Variants in IPO4 observed in about 807,000 individuals in gnomAD.
IPO4 encodes the protein importin 4, also known as importin-4.
IPO4 carries 91 observed loss-of-function variants against 133.5 expected under a neutral mutation model. The observed-to-expected ratio is 0.68, with a 90% CI of 0.58 to 0.81. The LOEUF is 0.81. Among genes scored for constraint, IPO4 ranks in the 30% least tolerant of loss-of-function variants. The pLI is 0.00. For missense variants in IPO4, 1,279 were observed against 1,386.2 expected (o/e 0.92, Z 1.23); for synonymous variants, 607 against 581.6 (o/e 1.04, Z -0.63).
chr14:24,184,842 C>T, intron 15 of IPO4, 25 bp downstream of exon 15: 1 of 1,610,098 alleles, frequency 6.2e-7, no homozygotes, highest in South Asian at 1.1e-5. Context: ...AACCCCACAT[C>T]CCTGCCTCCT....
chr14:24,181,292 C>G (rs556600868), intron 28 of IPO4, among the ~76,000 whole-genome samples: 2 of 152,204 alleles, frequency 1.3e-5, no homozygotes, highest in African/African-American at 2.4e-5. Flanking sequence ...AAAAATGCTA[C>G]GTGGAGAAAG....
At chr14:24,182,688 A>T in intron 24 of IPO4, 104 bp downstream of exon 24, 1 of 1,293,232 alleles carries the variant, frequency 7.7e-7, no homozygotes, top group Non-Finnish European at 1.1e-6. Flanking sequence ...AGTCTCTTTT[A>T]GTGGCCCTGG....
At chr14:24,180,862 TGCACCTGGTACTGATTCACAG>T in intron 28 of IPO4, 104 bp from the exon 29 acceptor site, 2 of 864,856 alleles carry the variant, frequency 2.3e-6, no homozygotes, top group Non-Finnish European at 1.8e-6. Context: ...GGGGGGTGGT[TGCACCTGGTACTGATTCACAG>T]GCATCCAAGA....
chr14:24,181,801 C>T lies in IPO4; in HGVS notation c.2850G>A (p.Ala950=), dbSNP rs373492200. Residue 950 remains alanine, a synonymous_variant, in exon 27 of 30, where the codon GCG becomes GCA. Transcript: ENST00000354464. ...KLLGLLFPLL[A]RERHDRVRDN... The stretch of plus-strand genomic sequence containing the variant: ...CACGGACACGATCATGTCGCTCCCG[C>T]GCCAGGAGGGGAAAAAGGAGCCCCA... The T allele has an allele frequency of 2.1e-4, 334 of 1,598,168 alleles. No homozygotes were observed. Among genetic ancestry groups the T allele is most frequent in the Middle Eastern group, 1.7e-3 (10 of 5,984 alleles).
At position 24,182,418 on chromosome 14, in the gene IPO4, CAG is replaced by C. The variant is rs149643983; in HGVS notation, c.2473-17_2473-16del. ...TCGTATTCAGCCTGTGGAGCCAGGT[CAG>C]GGGCTGGAGCACCAGGGCCAGCTCA... is the stretch of plus-strand genomic sequence containing the variant. On this transcript the variant is annotated splice_polypyrimidine_tract_variant and intron_variant, in intron 24 of 29. Transcript: ENST00000354464. 0.11 allele frequency: 170,061 copies of C among 1,603,564 alleles called. 10,267 individuals carry two copies. The highest frequency in any genetic ancestry group is 0.27 in the Admixed American group (15,699 of 57,928).
At chr14:24,182,951 C>T (rs777974504) in intron 23 of IPO4, 25 bp downstream of exon 23, 4 of 1,613,310 alleles carry the variant, frequency 2.5e-6, no homozygotes, top group East Asian at 2.2e-5. Context: ...ACCTCTCCTT[C>T]CCGAAGCCCA....
At chr14:24,182,692 G>A (rs2039159508) in intron 24 of IPO4, 100 bp downstream of exon 24, 1 of 1,331,520 alleles carries the variant, frequency 7.5e-7, no homozygotes, top group African/African-American at 1.4e-5. Flanking sequence ...TCTTTTAGTG[G>A]CCCTGGCTGC....
rs2039223537 is a variant in IPO4, at chr14:24,186,399, A to G, written c.893T>C (p.Ile298Thr). 6.2e-7 allele frequency: 1 copy of G among 1,612,030 alleles called. No homozygotes were observed. Residue 298 changes from isoleucine to threonine, a missense_variant, in exon 10 of 30, where the codon ATT becomes ACT. Ile to Thr is a moderately conservative substitution (Grantham distance 89). Coordinates refer to ENST00000354464, the MANE Select transcript of IPO4 (RefSeq NM_024658.4). ...LPPLLHTLFP[I>T]VAAEPPPGQL... Reference sequence around the variant, plus strand: ...GCCTGGTGGGGGCTCAGCAGCCACAATGGGGAAAAGGGTGTGCAGCAAGGG... The same window carrying G: ...GCCTGGTGGGGGCTCAGCAGCCACAGTGGGGAAAAGGGTGTGCAGCAAGGG...
Position 24,183,517 on chromosome 14 carries a change from CAG to C in IPO4, c.2064-6_2064-5del, listed in dbSNP as rs759963061. On this transcript the variant is annotated splice_polypyrimidine_tract_variant and splice_region_variant and intron_variant, in intron 20 of 29. Transcript: ENST00000354464. ...CATGTATGGAAGGAAGGCCACACTACAGAGAGAGACACAGCCGTGGGTAAGGG... is the reference window on the plus strand; with the variant it reads ...CATGTATGGAAGGAAGGCCACACTACAGAGAGACACAGCCGTGGGTAAGGG... 2.5e-6 allele frequency: 4 copies of C among 1,614,018 alleles called. No individual in the cohort carries two copies. Among genetic ancestry groups the C allele is most frequent in the Non-Finnish European group, 2.5e-6 (3 of 1,179,978 alleles).
Position 24,184,527 on chromosome 14 carries a change from T to A in IPO4, c.1637-109A>T, listed in dbSNP as rs558494550. 7.6e-6 allele frequency: 11 copies of A among 1,456,272 alleles called. 1 individual carries two copies. In the South Asian group the frequency reaches 1.3e-4, roughly 18 times the overall value. 90.2% of individuals were successfully genotyped at this position (1,456,272 alleles called of 1,614,324 possible). ...TCCCGCCCCACCCCTTGGTACAGCATGAAGCACACCCCTTTGATGAGAAGG... is the reference window on the plus strand; with the variant it reads ...TCCCGCCCCACCCCTTGGTACAGCAAGAAGCACACCCCTTTGATGAGAAGG... On this transcript the variant is annotated intron_variant, in intron 16 of 29. Transcript: ENST00000354464.
At position 24,183,900 on chromosome 14, in the gene IPO4, T is replaced by C. The variant is rs1195598161; in HGVS notation, c.1870-2A>G. ...GGAGCTGCTCCCGTCATACTGAGGC[T>C]GGAGCGGAGGCACGGCAAGGACTTT... is the stretch of plus-strand genomic sequence containing the variant. On this transcript the variant is annotated splice_acceptor_variant, in intron 18 of 29. Coordinates refer to ENST00000354464, the MANE Select transcript of IPO4 (RefSeq NM_024658.4). LOFTEE classifies it high-confidence loss of function. 4 of 1,613,886 alleles carry C rather than the reference T, an allele frequency of 2.5e-6. No individual in the cohort carries two copies. The highest frequency in any genetic ancestry group is 8.5e-7 in the Non-Finnish European group (1 of 1,180,024).
chr14:24,184,200 A>C, intron 17 of IPO4, 91 bp from the exon 18 acceptor site: 1 of 1,561,046 alleles, frequency 6.4e-7, no homozygotes, highest in Non-Finnish European at 8.7e-7. Flanking sequence ...TATGGTCCAA[A>C]CCAGACGACT....
Position 24,187,496 on chromosome 14 carries a change from C to T in IPO4, c.492G>A (p.Leu164=). 1 of 1,614,174 alleles carries T rather than the reference C, an allele frequency of 6.2e-7. No individual in the cohort carries two copies. The highest frequency in any genetic ancestry group is 8.5e-7 in the Non-Finnish European group (1 of 1,180,036). ...AGCCCACCTCACCAAGAGTCTCATT[C>T]AGAAGCCGAAGAAGCTCCCGGTGGT... ...QPHHRELLRL[L]NETLGEVGSP... The change falls in exon 6 of 30, where the codon CTG becomes CTA. Residue 164 remains leucine, a synonymous_variant. Coordinates refer to ENST00000354464, the MANE Select transcript of IPO4 (RefSeq NM_024658.4).
At chr14:24,183,201 G>A (rs1566642248) in intron 22 of IPO4, 32 bp from the exon 23 acceptor site, 1 of 1,611,606 alleles carries the variant, frequency 6.2e-7, no homozygotes, top group Non-Finnish European at 8.5e-7. Flanking sequence ...GCACCAGTCA[G>A]GCCCTGCCCC....
rs759983443 is a variant in IPO4 at position 24,185,949 on chromosome 14, A to T, written c.1081T>A (p.Leu361Met). The T allele has an allele frequency of 1.2e-6, 2 of 1,613,994 alleles. No individual in the cohort carries two copies. The highest frequency in any genetic ancestry group is 1.7e-6 in the Non-Finnish European group (2 of 1,180,016). Residue 361 changes from leucine to methionine, a missense_variant, in exon 12 of 30, where the codon TTG (leucine) becomes ATG (methionine). By Grantham distance (15) the Leu-to-Met change is conservative (BLOSUM62 2). This residue lies in a region of IPO4 where 695 missense variants were observed against 704.1 expected (regional missense o/e 0.99). Coordinates refer to ENST00000354464, the MANE Select transcript of IPO4 (RefSeq NM_024658.4). ...PQLMPMLEEA[L>M]RSESPYQRKA... is the part of the protein sequence containing the mutation. Reference sequence around the variant, plus strand: ...CGCTGGTATGGGCTCTCGCTCCGCAAAGCCTCTTCCAACATGGGCATCTAG... The same window carrying T: ...CGCTGGTATGGGCTCTCGCTCCGCATAGCCTCTTCCAACATGGGCATCTAG...
Position 24,184,046 on chromosome 14 carries a change from C to G in IPO4, c.1821G>C (p.Gln607His). 6.7e-7 allele frequency: 1 copy of G among 1,499,866 alleles called. No homozygotes were observed. The highest frequency in any genetic ancestry group is 9.0e-7 in the Non-Finnish European group (1 of 1,112,838). The allele number at this position is 1,499,866 out of a possible 1,614,324, so 92.9% of individuals were successfully genotyped here. Residue 607 changes from glutamine (Q) to histidine (H), a missense_variant, in exon 18 of 30, where the codon CAG becomes CAC. By Grantham distance (24) the Gln-to-His change is conservative. Around this residue, in one of 3 missense-constraint regions of IPO4, gnomAD observed 575 missense variants for 653.4 expected, o/e 0.88. Coordinates refer to ENST00000354464, the MANE Select transcript of IPO4 (RefSeq NM_024658.4). The stretch of plus-strand genomic sequence containing the variant: ...GTGACAGCAGCATGAGCGTGGTGAT[C>G]TGTTCCAAGTGGGGCGCCAGGCCCT... The part of the protein sequence containing the change: ...MGEGLAPHLE[Q>H]ITTLMLLSLR...
chr14:24,184,014 G>A lies in IPO4; in HGVS notation c.1853C>T (p.Ser618Phe). The change falls in exon 18 of 30, where the codon TCC (serine) becomes TTC (phenylalanine). Residue 618 changes from serine to phenylalanine, a missense_variant. Physicochemically the swap from Ser to Phe is radical, Grantham distance 155 (BLOSUM62 -2). Transcript: ENST00000354464. ...TTTGCTCACCACAATGCCCTCGGTG[G>A]AACGCAGTGACAGCAGCATGAGCGT... ...ITTLMLLSLRSTEGIVPQYDG... is the reference protein window; with the variant it reads ...ITTLMLLSLRFTEGIVPQYDG... 6.2e-7 allele frequency: 1 copy of A among 1,611,944 alleles called. No homozygotes were observed. Among genetic ancestry groups the A allele is most frequent in the Non-Finnish European group, 8.5e-7 (1 of 1,179,624 alleles).
At position 24,180,678 on chromosome 14, in the gene IPO4, C is replaced by G; in HGVS notation, c.3115+11G>C. The stretch of plus-strand genomic sequence containing the variant: ...CTCCCGCAAGCCCCTGCCTATGACT[C>G]CTACCCTCACCTGGTGGGATCTTGT... On this transcript the variant is annotated intron_variant, in intron 29 of 29. Transcript: ENST00000354464. 3 of 1,614,152 alleles carry G rather than the reference C, an allele frequency of 1.9e-6. No homozygotes were observed. Among genetic ancestry groups the G allele is most frequent in the South Asian group, 1.1e-5 (1 of 91,078 alleles).
chr14:24,184,288 G>A lies in IPO4; in HGVS notation c.1757+10C>T, dbSNP rs1395271086. The A allele has an allele frequency of 1.9e-6, 3 of 1,578,848 alleles. No individual in the cohort carries two copies. The highest frequency in any genetic ancestry group is 2.6e-6 in the Non-Finnish European group (3 of 1,162,526). ...GGACAAGGGCAGAGGCAGGGTGAGG[G>A]GTCACTCACGTGCAGCGCCGCAAGT... is the stretch of plus-strand genomic sequence containing the variant. On this transcript the variant is annotated intron_variant, in intron 17 of 29. Coordinates refer to ENST00000354464, the MANE Select transcript of IPO4 (RefSeq NM_024658.4).
Sources: gnomAD v4.1 joint callset for allele counts (sites outside exome capture counted in the v4.1 genomes callset) on GRCh38, gnomAD v4.1.1 for gene constraint, gnomAD v4.1.1 regional missense constraint, MANE v1.5 for transcripts, NCBI Gene and HGNC (gene_info 2026-07-23, HGNC 2026-07-21) for gene names.